The following APC variants were observed in gnomAD, a reference collection of about 807,000 sequenced individuals.
APC encodes the protein adenomatous polyposis coli protein.
A neutral mutation model predicts 247.0 loss-of-function variants in APC; 72 were observed. That is an observed-to-expected ratio of 0.29 (90% confidence interval 0.24 to 0.35). The LOEUF (loss-of-function observed/expected upper bound fraction) is 0.35. Ranked by LOEUF, APC falls within the 10% of genes least tolerant of loss-of-function variation. APC has a pLI of 1.00. For missense variants in APC, 3,400 were observed against 3,360.7 expected (o/e 1.01, Z -0.29); for synonymous variants, 1,254 against 1,162.5 (o/e 1.08, Z -1.60).
At chr5:112,717,908 C>CTTTTTTTTTTTTTTTTT in intron 1 of APC, among the ~76,000 whole-genome samples, 420 of 40,688 alleles carry the variant, frequency 0.01, 125 homozygotes, top group South Asian at 0.017. Flanking sequence ...TTTTCTTTTT[C>CTTTTTTTTTTTTTTTTT]TTTTTTTTTT....
chr5:112,827,474 T>C (rs1763821585), intron 12 of APC, among the ~76,000 whole-genome samples: 1 of 152,224 alleles, frequency 6.6e-6, no homozygotes, highest in Non-Finnish European at 1.5e-5. Flanking sequence ...TTTATGTAAT[T>C]GCATTAAAAA....
intron 5 of APC, chr5:112,778,411 G>A (rs573331940): frequency 6.6e-6 from 1 of 151,262 alleles, no homozygotes; most frequent in East Asian, 1.9e-4. Flanking sequence ...AGGCAGAGGA[G>A]TTTAGCATGG....
At chr5:112,722,466 A>G (rs949012360) in intron 1 of APC, among the ~76,000 whole-genome samples, 12 of 152,280 alleles carry the variant, frequency 7.9e-5, no homozygotes, top group Middle Eastern at 3.4e-3. Flanking sequence ...AGTGGATGCT[A>G]GTTGGGTGTC....
intron 1 of APC, among the ~76,000 whole-genome samples, chr5:112,729,920 T>C (rs967230765): frequency 6.6e-6 from 1 of 152,190 alleles, no homozygotes; most frequent in Non-Finnish European, 1.5e-5. Flanking sequence ...TGTTGAGTCA[T>C]CACAGTTTTT....
rs773020689 is a variant in APC at position 112,837,834 on chromosome 5, C to T, written c.2240C>T (p.Ser747Leu). The change falls in exon 16 of 16, where the codon TCA becomes TTA. Residue 747 changes from serine (S) to leucine (L), a missense_variant. Physicochemically the swap from Ser to Leu is moderately radical, Grantham distance 145. Coordinates refer to ENST00000257430, the MANE Select transcript of APC (RefSeq NM_000038.6). ...GATGCCAATATTATGTCTCCTGGCT[C>T]AAGCTTGCCATCTCTTCATGTTAGG... ...YKDANIMSPG[S>L]SLPSLHVRKQ... is the part of the protein sequence containing the mutation. 22 of 1,613,838 alleles carry T rather than the reference C, an allele frequency of 1.4e-5. No homozygotes were observed. The highest frequency in any genetic ancestry group is 1.4e-5 in the Non-Finnish European group (16 of 1,180,024).
chr5:112,743,718 A>T (rs1753301962), intron 1 of APC, among the ~76,000 whole-genome samples: 2 of 152,160 alleles, frequency 1.3e-5, no homozygotes, highest in Admixed American at 1.3e-4. Flanking sequence ...TCGTTATAAC[A>T]CCAGTTCTGT....
At chr5:112,788,214 C>G (rs1759189965) in intron 6 of APC, among the ~76,000 whole-genome samples, 1 of 152,104 alleles carries the variant, frequency 6.6e-6, no homozygotes, top group Admixed American at 6.6e-5. Flanking sequence ...TCTTGATATC[C>G]AGTTGGGTGA....
At chr5:112,709,933 C>A (rs1262476094) in intron 1 of APC, among the ~76,000 whole-genome samples, 1 of 152,082 alleles carries the variant, frequency 6.6e-6, no homozygotes. Context: ...CTCACTCTTC[C>A]ACTCTTATGG....
upstream of APC, among the ~76,000 whole-genome samples, chr5:112,733,330 A>G (rs1017206576): frequency 6.6e-6 from 1 of 152,220 alleles, no homozygotes; most frequent in African/African-American, 2.4e-5. Context: ...CTAATGAGGT[A>G]ACTTTAAAAT....
chr5:112,754,812 A>C (rs922627812), intron 1 of APC, 61 bp from the exon 2 acceptor site: 2 of 1,534,290 alleles, frequency 1.3e-6, no homozygotes. Context: ...CCCTTTCTTT[A>C]AAAACAAGCA....
upstream of APC, among the ~76,000 whole-genome samples, chr5:112,736,762 A>G (rs1426679463): frequency 2.0e-5 from 3 of 152,064 alleles, no homozygotes; most frequent in African/African-American, 7.2e-5. Context: ...AAAAATACAA[A>G]ACTTAGCTGG....
intron 8 of APC, among the ~76,000 whole-genome samples, chr5:112,805,293 A>T (rs372859169): frequency 6.6e-6 from 1 of 152,206 alleles, no homozygotes; most frequent in Non-Finnish European, 1.5e-5. Flanking sequence ...TTAGGTTGCC[A>T]TACTTCAGAG....
chr5:112,838,369 C>G lies in APC; in HGVS notation c.2775C>G (p.Ser925Arg), dbSNP rs864622701. ...ATGAGAGAAATGCACTTAGAAGAAG[C>G]TCTGCTGCCCATACACATTCAAACA... ...VTDERNALRR[S>R]SAAHTHSNTY... The change falls in exon 16 of 16, where the codon AGC (serine) becomes AGG (arginine). Residue 925 changes from serine to arginine, a missense_variant. This residue lies in a region of APC where 715 missense variants were observed against 656.6 expected (regional missense o/e 1.09). Transcript: ENST00000257430. 3 of 1,614,032 alleles carry G rather than the reference C, an allele frequency of 1.9e-6. No homozygotes were observed. The highest frequency in any genetic ancestry group is 2.5e-6 in the Non-Finnish European group (3 of 1,180,016).
intron 8 of APC, among the ~76,000 whole-genome samples, chr5:112,805,940 T>C (rs1761331118): frequency 6.6e-6 from 1 of 152,236 alleles, no homozygotes. Context: ...TAACCATTTA[T>C]TGTGACCCAG....
In APC at chr5:112,775,679, A is replaced by T. The variant is rs587782477; in HGVS notation, c.473A>T (p.Tyr158Phe). The change falls in exon 5 of 16, where the codon TAT becomes TTT. Residue 158 changes from tyrosine (Y) to phenylalanine (F), a missense_variant. Coordinates refer to ENST00000257430, the MANE Select transcript of APC (RefSeq NM_000038.6). Reference protein sequence around the residue: ...LDKEEKEKDWYYAQLQNLTKR... With the variant: ...LDKEEKEKDWFYAQLQNLTKR... ...AAAGAAGAAAAGGAAAAAGACTGGT[A>T]TTACGCTCAACTTCAGAATCTCACT... The T allele has an allele frequency of 3.1e-6, 5 of 1,608,702 alleles. No homozygotes were observed. Among genetic ancestry groups the T allele is most frequent in the Non-Finnish European group, 4.2e-6 (5 of 1,177,832 alleles).
At chr5:112,763,158 T>C (rs1360683248) in intron 2 of APC, among the ~76,000 whole-genome samples, 1 of 152,196 alleles carries the variant, frequency 6.6e-6, no homozygotes, top group Non-Finnish European at 1.5e-5. Flanking sequence ...CAGAAATTTT[T>C]AAAAATAGAA....
chr5:112,755,177 T>TAAAAATA, intron 2 of APC, 152 bp downstream of exon 2: 1 of 1,105,906 alleles, frequency 9.0e-7, no homozygotes, highest in Non-Finnish European at 1.3e-6. Context: ...ATTTATATTT[T>TAAAAATA]TAAATAAGAT....
intron 4 of APC, among the ~76,000 whole-genome samples, chr5:112,769,182 C>G (rs1756741698): frequency 6.6e-6 from 1 of 150,462 alleles, no homozygotes; most frequent in African/African-American, 2.5e-5. Flanking sequence ...TCCCGGGTAG[C>G]TGGGATTACA....
intron 10 of APC, among the ~76,000 whole-genome samples, chr5:112,820,925 G>C (rs116506255): frequency 6.6e-6 from 1 of 151,856 alleles, no homozygotes; most frequent in South Asian, 2.1e-4. Context: ...GCAGTGGTGC[G>C]ATCACAGTTC....
Sources: allele counts gnomAD v4.1 joint callset (sites outside exome capture counted in the v4.1 genomes callset), GRCh38; gene constraint gnomAD v4.1.1; regional missense constraint gnomAD v4.1.1; transcripts MANE v1.5; gene names NCBI Gene and HGNC (gene_info 2026-07-23, HGNC 2026-07-21).